The following MOB3B variants were observed in gnomAD, a reference collection of about 807,000 sequenced individuals.
The protein encoded by MOB3B is MOB kinase activator-like 2B.
A neutral mutation model predicts 18.7 loss-of-function variants in MOB3B; 7 were observed. The observed-to-expected ratio is 0.37, with a 90% confidence interval of 0.21 to 0.70. MOB3B has a LOEUF of 0.70. Among genes scored for constraint, MOB3B ranks in the 30% least tolerant of loss-of-function variants. The probability of loss-of-function intolerance (pLI) is 0.52; values close to 1 mark genes in which losing one functional copy is unlikely to be tolerated. For synonymous variants in MOB3B, 111 were observed against 99.9 expected, an observed-to-expected ratio of 1.11 and a Z score of -0.66; for missense variants, 253 against 281.3, an observed-to-expected ratio of 0.90 and a Z score of 0.72.
chr9:27,379,243 C>T (rs1821538256), intron 2 of MOB3B, among the ~76,000 whole-genome samples: 1 of 152,122 alleles, frequency 6.6e-6, no homozygotes, highest in Non-Finnish European at 1.5e-5. Context: ...TTTACTGGCT[C>T]TTGGGTGCAT....
intron 2 of MOB3B, among the ~76,000 whole-genome samples, chr9:27,383,700 A>G (rs1459239457): frequency 6.6e-6 from 1 of 152,164 alleles, no homozygotes; most frequent in African/African-American, 2.4e-5. Flanking sequence ...TGGTGCCTTT[A>G]AAGAGTGTCT....
At chr9:27,463,799 A>G (rs1490622917) in intron 1 of MOB3B, among the ~76,000 whole-genome samples, 5 of 152,038 alleles carry the variant, frequency 3.3e-5, no homozygotes, top group African/African-American at 4.8e-5. Context: ...CATCTCTACA[A>G]AAAATACAAA....
chr9:27,511,509 G>A (rs1820144032), intron 1 of MOB3B, among the ~76,000 whole-genome samples: 1 of 152,176 alleles, frequency 6.6e-6, no homozygotes, highest in African/African-American at 2.4e-5. Flanking sequence ...TGAGAAAGAA[G>A]CTCCATGGGC....
At chr9:27,380,705 C>G (rs1038832444) in intron 2 of MOB3B, among the ~76,000 whole-genome samples, 10 of 141,238 alleles carry the variant, frequency 7.1e-5, no homozygotes, top group African/African-American at 2.4e-4. Context: ...TTGTAAATCA[C>G]CCTTGTTCTT....
At chr9:27,370,343 T>C (rs1821398676) in intron 2 of MOB3B, among the ~76,000 whole-genome samples, 1 of 151,970 alleles carries the variant, frequency 6.6e-6, no homozygotes, top group African/African-American at 2.4e-5. Context: ...ACCCCGTCTG[T>C]ACTAAAAATA....
At chr9:27,358,479 T>G (rs1336229661) in intron 3 of MOB3B, among the ~76,000 whole-genome samples, 1 of 152,226 alleles carries the variant, frequency 6.6e-6, no homozygotes, top group Non-Finnish European at 1.5e-5. Context: ...ATATATCCCA[T>G]TGAAGCTGCA....
Position 27,455,382 on chromosome 9 carries a change from T to G in MOB3B, c.169A>C (p.Asn57His). ...ACCACATGTACTGCCACCCAGTCAT[T>G]CTGGTCCTCCCCACTGGGCAACTGC... ...AVQLPSGEDQ[N>H]DWVAVHVVDF... Residue 57 changes from asparagine (N) to histidine (H), a missense_variant, in exon 2 of 4, where the codon AAT becomes CAT. Physicochemically the swap from Asn to His is moderately conservative, Grantham distance 68. Coordinates refer to ENST00000262244, the MANE Select transcript of MOB3B (RefSeq NM_024761.5). The G allele has an allele frequency of 6.2e-7, 1 of 1,614,172 alleles. No homozygotes were observed. The highest frequency in any genetic ancestry group is 1.7e-5 in the Admixed American group (1 of 60,022).
chr9:27,425,163 G>A (rs1358697430), intron 2 of MOB3B, among the ~76,000 whole-genome samples: 1 of 151,988 alleles, frequency 6.6e-6, no homozygotes, highest in Admixed American at 6.6e-5. Context: ...ATCACCTGAG[G>A]TCAGGAGTTC....
chr9:27,436,558 G>C (rs955716929), intron 2 of MOB3B, among the ~76,000 whole-genome samples: 6 of 152,164 alleles, frequency 3.9e-5, no homozygotes, highest in Non-Finnish European at 7.3e-5. Context: ...AGTTACTACT[G>C]TACTGTTGGG....
intron 1 of MOB3B, among the ~76,000 whole-genome samples, chr9:27,504,003 G>A (rs1043809804): frequency 6.6e-6 from 1 of 152,182 alleles, no homozygotes; most frequent in African/African-American, 2.4e-5. Flanking sequence ...CAGTCCTTGT[G>A]GCCATAAGCA....
intron 1 of MOB3B, among the ~76,000 whole-genome samples, chr9:27,495,792 G>C (rs1032037697): frequency 6.6e-6 from 1 of 152,160 alleles, no homozygotes; most frequent in African/African-American, 2.4e-5. Flanking sequence ...TTGATATCCA[G>C]GCAAGAGAAC....
At chr9:27,477,122 A>C (rs1488336623) in intron 1 of MOB3B, among the ~76,000 whole-genome samples, 1 of 152,196 alleles carries the variant, frequency 6.6e-6, no homozygotes, top group Non-Finnish European at 1.5e-5. Flanking sequence ...GCTTGGTTGA[A>C]TACTCCTCTG....
intron 1 of MOB3B, among the ~76,000 whole-genome samples, chr9:27,507,214 G>C (rs1820074302): frequency 6.6e-6 from 1 of 152,132 alleles, no homozygotes; most frequent in African/African-American, 2.4e-5. Context: ...TTCATCCGTG[G>C]TCATACAGCT....
chr9:27,329,842 G>A lies in MOB3B; in HGVS notation c.*745C>T, dbSNP rs189257225. On this transcript the variant is annotated 3_prime_UTR_variant, in exon 4 of 4. Coordinates refer to ENST00000262244, the MANE Select transcript of MOB3B (RefSeq NM_024761.5). ...GTTATAAAAAATACATTCTGATCAG[G>A]TGAACTGGTAACTTGTCAGCTTTAC... 6.6e-6 allele frequency: 1 copy of A among 152,612 alleles called. No individual in the cohort carries two copies. The highest frequency in any genetic ancestry group is 1.5e-5 in the Non-Finnish European group (1 of 68,030). 9.5% of individuals were successfully genotyped at this position (152,612 alleles called of 1,614,324 possible).
chr9:27,452,071 G>C (rs1044275284), intron 2 of MOB3B, among the ~76,000 whole-genome samples: 1 of 152,170 alleles, frequency 6.6e-6, no homozygotes, highest in Non-Finnish European at 1.5e-5. Context: ...TGGAAGCAAG[G>C]TGCAGGAAAT....
At chr9:27,453,974 C>A (rs974793486) in intron 2 of MOB3B, among the ~76,000 whole-genome samples, 1 of 152,118 alleles carries the variant, frequency 6.6e-6, no homozygotes, top group African/African-American at 2.4e-5. Flanking sequence ...CCCTGACATA[C>A]AACCTACCTC....
At chr9:27,374,951 G>A (rs1032422293) in intron 2 of MOB3B, among the ~76,000 whole-genome samples, 1 of 152,238 alleles carries the variant, frequency 6.6e-6, no homozygotes, top group Non-Finnish European at 1.5e-5. Flanking sequence ...CAGATGGTGG[G>A]CACTTCTGGC....
chr9:27,353,368 G>A (rs747287175), intron 3 of MOB3B, among the ~76,000 whole-genome samples: 9 of 152,164 alleles, frequency 5.9e-5, no homozygotes, highest in East Asian at 1.9e-4. Flanking sequence ...CTGATTTAGT[G>A]TATCTGGGGT....
intron 1 of MOB3B, among the ~76,000 whole-genome samples, chr9:27,459,614 T>C (rs1401963431): frequency 6.6e-6 from 1 of 151,990 alleles, no homozygotes; most frequent in African/African-American, 2.4e-5. Flanking sequence ...AGTGTGGGTA[T>C]GTTCGAGAAA....
Sources: gnomAD v4.1 joint callset for allele counts (sites outside exome capture counted in the v4.1 genomes callset) on GRCh38, gnomAD v4.1.1 for gene constraint, MANE v1.5 for transcripts, NCBI Gene and HGNC (gene_info 2026-07-23, HGNC 2026-07-21) for gene names.